RXRA: variants seen among roughly 807,000 people sequenced by gnomAD.
RXRA encodes retinoid X receptor alpha, also known as retinoic acid receptor RXR-alpha.
In RXRA, 5 loss-of-function variants were observed where a neutral mutation model predicts 44.5. The observed-to-expected ratio is 0.11, with a 90% CI of 0.06 to 0.24. The LOEUF (loss-of-function observed/expected upper bound fraction) is 0.24, where lower values mean the gene tolerates loss of function less well. RXRA is among the 10% of genes least tolerant of loss of function. The pLI, the probability that RXRA is intolerant of heterozygous loss-of-function variation, is 1.00. For synonymous variants in RXRA, 291 were observed against 271.4 expected, an observed-to-expected ratio of 1.07 and a Z score of -0.71; for missense variants, 412 against 646.5, an observed-to-expected ratio of 0.64 and a Z score of 3.93.
Position 134,408,931 on chromosome 9 carries a change from G to T in RXRA, c.431-9G>T. On this transcript the variant is annotated splice_polypyrimidine_tract_variant and intron_variant, in intron 3 of 9. Transcript: ENST00000481739. Reference sequence around the variant, plus strand: ...GTGCTCCCCAGCCCTGCTCTGCCCTGTCCCGCAGGCAAGCACTATGGAGTG... The same window carrying T: ...GTGCTCCCCAGCCCTGCTCTGCCCTTTCCCGCAGGCAAGCACTATGGAGTG... 6.5e-7 allele frequency: 1 copy of T among 1,533,828 alleles called. No individual in the cohort carries two copies. The highest frequency in any genetic ancestry group is 1.9e-4 in the Middle Eastern group (1 of 5,318).
At chr9:134,380,823 G>A (rs1034516236) in intron 1 of RXRA, among the ~76,000 whole-genome samples, 89 of 152,178 alleles carry the variant, frequency 5.8e-4, no homozygotes, top group African/African-American at 1.9e-3. Context: ...AGGGCTGCCC[G>A]TCCTGAGGTA....
At chr9:134,384,864 T>G (rs1830696117) in intron 1 of RXRA, among the ~76,000 whole-genome samples, 2 of 152,152 alleles carry the variant, frequency 1.3e-5, no homozygotes, top group African/African-American at 4.8e-5. Flanking sequence ...TGGCCTCCAG[T>G]CCTGAGCACC....
At chr9:134,340,370 A>G (rs1399928623) in intron 1 of RXRA, among the ~76,000 whole-genome samples, 1 of 152,136 alleles carries the variant, frequency 6.6e-6, no homozygotes, top group Non-Finnish European at 1.5e-5. Flanking sequence ...TTTGGGGCAG[A>G]CCAGTGATGC....
chr9:134,339,238 G>A (rs951444030), intron 1 of RXRA, among the ~76,000 whole-genome samples: 3 of 152,356 alleles, frequency 2.0e-5, no homozygotes, highest in Middle Eastern at 3.4e-3. Context: ...CTGGCATGGC[G>A]CCTCCCGCGC....
chr9:134,417,610 G>A lies in RXRA; in HGVS notation c.780+283G>A, dbSNP rs1175821944. 2.0e-5 allele frequency among the ~76,000 whole-genome samples: 3 copies of A among 152,082 alleles called. No homozygotes were observed. The highest frequency in any genetic ancestry group is 3.9e-4 in the East Asian group (2 of 5,170). Reference sequence around the variant, plus strand: ...GCCCTGCGGCCACATCATCATCCTCGGCCACCTCTGCTGGGGCCTCAGCCG... The same window carrying A: ...GCCCTGCGGCCACATCATCATCCTCAGCCACCTCTGCTGGGGCCTCAGCCG... On this transcript the variant is annotated intron_variant, in intron 5 of 9. Coordinates refer to ENST00000481739, the MANE Select transcript of RXRA (RefSeq NM_002957.6). This position sits in a 1 kb window ranked among gnomAD's most constrained non-coding sequence, Gnocchi z 6.1.
chr9:134,403,085 C>G (rs1324012582), intron 2 of RXRA: 1 of 152,326 alleles, frequency 6.6e-6, no homozygotes, highest in Non-Finnish European at 1.5e-5. Flanking sequence ...CACCTAGTCC[C>G]AAGCCCCCAT....
intron 1 of RXRA, among the ~76,000 whole-genome samples, chr9:134,388,286 T>TGTGTGTGTGTGTGCGTGTGTGTGA (rs71381810): frequency 2.0e-5 from 3 of 150,888 alleles, no homozygotes; most frequent in African/African-American, 7.3e-5. Flanking sequence ...AGAAGCAGTG[T>TGTGTGTGTGTGTGCGTGTGTGTGA]GTGTGTGAGT....
At chr9:134,344,377 C>T (rs1473958753) in intron 1 of RXRA, among the ~76,000 whole-genome samples, 6 of 152,190 alleles carry the variant, frequency 3.9e-5, no homozygotes, top group Admixed American at 1.3e-4. Context: ...CCCTTGCCGC[C>T]GGAAGGGGCT....
intron 1 of RXRA, among the ~76,000 whole-genome samples, chr9:134,353,268 G>A (rs782387228): frequency 6.6e-6 from 1 of 152,168 alleles, no homozygotes; most frequent in African/African-American, 2.4e-5. Flanking sequence ...TGGATTTCCT[G>A]GAGTCCTTCT....
chr9:134,393,918 C>T (rs980233468), intron 1 of RXRA, among the ~76,000 whole-genome samples: 1 of 152,066 alleles, frequency 6.6e-6, no homozygotes, highest in Non-Finnish European at 1.5e-5. Context: ...CCATCAGCCT[C>T]GGCACCACTT....
chr9:134,385,513 G>A (rs1189286907), intron 1 of RXRA, among the ~76,000 whole-genome samples: 1 of 152,136 alleles, frequency 6.6e-6, no homozygotes, highest in African/African-American at 2.4e-5. Flanking sequence ...GGGCCTCTGC[G>A]TCCCCCACGC....
In RXRA at chr9:134,438,269, G is replaced by A. The variant is rs947952425; in HGVS notation, c.*1655G>A. 1.3e-5 allele frequency: 2 copies of A among 152,286 alleles called. No individual in the cohort carries two copies. The highest frequency in any genetic ancestry group is 2.9e-5 in the Non-Finnish European group (2 of 68,068). The allele number at this position is 152,286 out of a possible 1,614,324, so 9.4% of individuals were successfully genotyped here. On this transcript the variant is annotated 3_prime_UTR_variant, in exon 10 of 10. Coordinates refer to ENST00000481739, the MANE Select transcript of RXRA (RefSeq NM_002957.6). ...AGCAGGGGCTTCCTCAGTGGTGAGGGGAGCTGCCTACAGGTTGGACCGGGA... is the reference window on the plus strand; with the variant it reads ...AGCAGGGGCTTCCTCAGTGGTGAGGAGAGCTGCCTACAGGTTGGACCGGGA...
At chr9:134,425,276 C>T (rs1348365873) in intron 6 of RXRA, 11 of 985,198 alleles carry the variant, frequency 1.1e-5, no homozygotes, top group East Asian at 1.1e-4. Context: ...CTGCCCTACC[C>T]GTCCAGGAGG....
chr9:134,367,947 T>G (rs1588267971), intron 1 of RXRA, among the ~76,000 whole-genome samples: 1 of 152,266 alleles, frequency 6.6e-6, no homozygotes, highest in African/African-American at 2.4e-5. Context: ...CAGCTGATGG[T>G]ATCGGCCTTG....
chr9:134,409,227 C>G, intron 4 of RXRA, 108 bp downstream of exon 4: 2 of 1,172,222 alleles, frequency 1.7e-6, no homozygotes, highest in Non-Finnish European at 1.2e-6. Flanking sequence ...GTGGCCTGGA[C>G]AGAAGCATGG....
At position 134,417,331 on chromosome 9, in the gene RXRA, A is replaced by G; in HGVS notation, c.780+4A>G. The G allele has an allele frequency of 6.2e-7, 1 of 1,612,844 alleles. No homozygotes were observed. Among genetic ancestry groups the G allele is most frequent in the Admixed American group, 1.7e-5 (1 of 59,962 alleles). Reference sequence around the variant, plus strand: ...CATGGGGCTGAACCCCAGCTCGGTGAGTTGCAGCCTGTGCAGGGGTGGGCA... The same window carrying G: ...CATGGGGCTGAACCCCAGCTCGGTGGGTTGCAGCCTGTGCAGGGGTGGGCA... On this transcript the variant is annotated splice_donor_region_variant and intron_variant, in intron 5 of 9. Coordinates refer to ENST00000481739, the MANE Select transcript of RXRA (RefSeq NM_002957.6). This position sits in a 1 kb window ranked among gnomAD's most constrained non-coding sequence, Gnocchi z 6.1.
At chr9:134,336,553 G>A (rs116714184) in intron 1 of RXRA, among the ~76,000 whole-genome samples, 10 of 152,162 alleles carry the variant, frequency 6.6e-5, no homozygotes, top group Admixed American at 2.0e-4. Flanking sequence ...CCCTGTGGCC[G>A]GCCGGAGCCT....
intron 6 of RXRA, chr9:134,425,711 C>T (rs941028096): frequency 3.0e-6 from 3 of 985,206 alleles, no homozygotes; most frequent in Non-Finnish European, 3.6e-6. Flanking sequence ...CTGCCCACAT[C>T]TCTGGCCCCA....
In RXRA at chr9:134,358,742, G is replaced by C. The variant is rs545218773; in HGVS notation, c.28+32083G>C. Among the ~76,000 whole-genome samples the C allele has an allele frequency of 2.6e-5, 4 of 152,324 alleles. No homozygotes were observed. The East Asian group carries it at 7.7e-4, about 29-fold the overall frequency. ...CCTGCCTGAGACAAGCAGTTTCCAG[G>C]GCAGGCCTGGGCCCCGGCTGGGGTC... On this transcript the variant is annotated intron_variant, in intron 1 of 9. Coordinates refer to ENST00000481739, the MANE Select transcript of RXRA (RefSeq NM_002957.6).
Sources: allele counts gnomAD v4.1 joint callset (sites outside exome capture counted in the v4.1 genomes callset), GRCh38; gene constraint gnomAD v4.1.1; non-coding constraint Gnocchi (gnomAD v3.1); transcripts MANE v1.5; gene names NCBI Gene and HGNC (gene_info 2026-07-23, HGNC 2026-07-21).